The following PDZRN4 variants were observed in gnomAD, a reference collection of about 807,000 sequenced individuals.
PDZRN4 encodes the protein PDZ domain containing ring finger 4, also known as PDZ domain-containing RING finger protein 4.
PDZRN4 carries 70 observed loss-of-function variants against 99.0 expected under a neutral mutation model. That is an observed-to-expected ratio of 0.71 (90% confidence interval 0.58 to 0.86). The LOEUF is 0.86. Among genes scored for constraint, PDZRN4 ranks in the 40% least tolerant of loss-of-function variants. PDZRN4 has a pLI of 0.00. For missense variants in PDZRN4, 1,474 were observed against 1,331.2 expected, an observed-to-expected ratio of 1.11 and a Z score of -1.67; for synonymous variants, 551 against 501.6, an observed-to-expected ratio of 1.10 and a Z score of -1.32.
At chr12:41,528,188 GTTTGTTTGTT>G (rs1487017483) in intron 5 of PDZRN4, among the ~76,000 whole-genome samples, 13 of 139,570 alleles carry the variant, frequency 9.3e-5, no homozygotes, top group Non-Finnish European at 1.8e-4. Flanking sequence ...GGGGTTTTTT[GTTTGTTTGTT>G]TTTGTTTTTG....
At chr12:41,556,479 A>G (rs567542148) in intron 7 of PDZRN4, among the ~76,000 whole-genome samples, 19 of 152,368 alleles carry the variant, frequency 1.2e-4, no homozygotes, top group African/African-American at 4.6e-4. Flanking sequence ...ACTATAGGTA[A>G]TTGTGACACA....
At chr12:41,328,823 T>C (rs1951725844) in intron 3 of PDZRN4, among the ~76,000 whole-genome samples, 2 of 152,124 alleles carry the variant, frequency 1.3e-5, no homozygotes, top group Admixed American at 1.3e-4. Context: ...TTAAGCATAG[T>C]TGAGTGGACT....
chr12:41,196,424 C>T (rs2120649208), intron 3 of PDZRN4, among the ~76,000 whole-genome samples: 1 of 152,036 alleles, frequency 6.6e-6, no homozygotes, highest in African/African-American at 2.4e-5. Flanking sequence ...TCAATGTGAC[C>T]ACATTTGCAG....
chr12:41,465,989 A>G (rs1362426355), intron 3 of PDZRN4, among the ~76,000 whole-genome samples: 1 of 152,112 alleles, frequency 6.6e-6, no homozygotes, highest in Non-Finnish European at 1.5e-5. Context: ...AAAATCCTTA[A>G]TTATTAAGTA....
intron 3 of PDZRN4, among the ~76,000 whole-genome samples, chr12:41,400,631 G>A (rs1035654408): frequency 6.6e-6 from 1 of 152,184 alleles, no homozygotes; most frequent in East Asian, 1.9e-4. Flanking sequence ...TGGAGTGAGT[G>A]GGGGGATGTA....
intron 5 of PDZRN4, among the ~76,000 whole-genome samples, chr12:41,535,839 C>T (rs1203522450): frequency 6.6e-6 from 1 of 152,190 alleles, no homozygotes; most frequent in African/African-American, 2.4e-5. Flanking sequence ...CCAGCTTAGA[C>T]TTCCCAGCCC....
intron 3 of PDZRN4, among the ~76,000 whole-genome samples, chr12:41,203,765 G>A (rs909717452): frequency 2.0e-5 from 3 of 151,980 alleles, no homozygotes; most frequent in Non-Finnish European, 4.4e-5. Flanking sequence ...GTGATTCATG[G>A]TAGATAATCT....
At chr12:41,491,757 T>C (rs534209116) in intron 3 of PDZRN4, among the ~76,000 whole-genome samples, 1 of 152,120 alleles carries the variant, frequency 6.6e-6, no homozygotes, top group Non-Finnish European at 1.5e-5. Context: ...CATTATATTA[T>C]AAACTGATTA....
chr12:41,303,141 G>A (rs1362216793), intron 3 of PDZRN4, among the ~76,000 whole-genome samples: 6 of 152,138 alleles, frequency 3.9e-5, no homozygotes, highest in South Asian at 2.1e-4. Flanking sequence ...GGATAAAGAC[G>A]GTCTTCAGGG....
At chr12:41,449,930 T>C (rs1425238609) in intron 3 of PDZRN4, among the ~76,000 whole-genome samples, 1 of 152,184 alleles carries the variant, frequency 6.6e-6, no homozygotes, top group Admixed American at 6.5e-5. Context: ...TACACTCCTC[T>C]TTAGTATAAA....
At chr12:41,202,658 G>T (rs2120668984) in intron 3 of PDZRN4, among the ~76,000 whole-genome samples, 1 of 152,082 alleles carries the variant, frequency 6.6e-6, no homozygotes, top group Non-Finnish European at 1.5e-5. Context: ...GCAACTCAGA[G>T]GTGATACATT....
rs1186475418 is a variant in PDZRN4, at chr12:41,194,073, A to T, written c.736-8A>T. 1.5e-6 allele frequency: 2 copies of T among 1,294,290 alleles called. No individual in the cohort carries two copies. The highest frequency in any genetic ancestry group is 2.2e-6 in the Non-Finnish European group (2 of 907,146). The allele number at this position is 1,294,290 out of a possible 1,614,324, so 80.2% of individuals were successfully genotyped here. ...ATCTTTCTTCTGCTAATGATTTTTT[A>T]AAAATAGAATAATCAGGAAGGAACA... On this transcript the variant is annotated splice_region_variant and splice_polypyrimidine_tract_variant and intron_variant, in intron 2 of 9. Transcript: ENST00000402685.
At chr12:41,389,224 G>T (rs1952192894) in intron 3 of PDZRN4, among the ~76,000 whole-genome samples, 1 of 152,110 alleles carries the variant, frequency 6.6e-6, no homozygotes, top group South Asian at 2.1e-4. Flanking sequence ...AAAAAATACT[G>T]TAAATGAGAA....
intron 3 of PDZRN4, among the ~76,000 whole-genome samples, chr12:41,196,871 C>A (rs1383679491): frequency 6.6e-6 from 1 of 151,874 alleles, no homozygotes; most frequent in Non-Finnish European, 1.5e-5. Flanking sequence ...GTTCATTGAA[C>A]AAATTTAATG....
intron 3 of PDZRN4, among the ~76,000 whole-genome samples, chr12:41,382,234 T>C (rs1952133200): frequency 6.6e-6 from 1 of 152,176 alleles, no homozygotes; most frequent in Non-Finnish European, 1.5e-5. Context: ...GGCTTCTTGC[T>C]ACATTTTCAG....
At chr12:41,567,604 CT>C (rs34848026) in intron 8 of PDZRN4, among the ~76,000 whole-genome samples, 178 bp from the exon 9 acceptor site, 50,910 of 144,234 alleles carry the variant, frequency 0.35, 8,797 homozygotes, top group Admixed American at 0.42. Context: ...CATAAGAGTC[CT>C]TTTTTTTTTT....
chr12:41,460,186 T>G, intron 3 of PDZRN4: 40 of 770,924 alleles, frequency 5.2e-5, no homozygotes, highest in Non-Finnish European at 6.8e-5. Context: ...TAACAAGAGT[T>G]TATTCCTATA....
intron 3 of PDZRN4, among the ~76,000 whole-genome samples, chr12:41,280,788 T>A (rs891863355): frequency 2.0e-5 from 3 of 152,086 alleles, no homozygotes; most frequent in African/African-American, 7.2e-5. Flanking sequence ...GGGTGCAGCT[T>A]CAGCAGACTT....
At chr12:41,444,162 T>A (rs184985787) in intron 3 of PDZRN4, among the ~76,000 whole-genome samples, 1 of 152,258 alleles carries the variant, frequency 6.6e-6, no homozygotes, top group Non-Finnish European at 1.5e-5. Context: ...TGCTATGTGC[T>A]ACTCAGATGC....
Sources: allele counts gnomAD v4.1 joint callset (sites outside exome capture counted in the v4.1 genomes callset), GRCh38; gene constraint gnomAD v4.1.1; transcripts MANE v1.5; gene names NCBI Gene and HGNC (gene_info 2026-07-23, HGNC 2026-07-21).